HGF: variants seen among roughly 807,000 people sequenced by gnomAD.
HGF encodes the protein fibroblast-derived tumor cytotoxic factor.
Under a neutral mutation model 111.6 loss-of-function variants are expected in HGF, and 39 were observed. The observed-to-expected ratio is 0.35, with a 90% confidence interval of 0.27 to 0.46. The LOEUF is 0.46. Ranked by LOEUF, HGF falls within the 20% of genes least tolerant of loss-of-function variation. The pLI is 1.00. For synonymous variants in HGF, 285 were observed against 294.8 expected (o/e 0.97, Z 0.34); for missense variants, 735 against 910.5 (o/e 0.81, Z 2.48).
intron 1 of HGF, among the ~76,000 whole-genome samples, chr7:81,769,642 G>T (rs1789532461): frequency 6.6e-6 from 1 of 152,124 alleles, no homozygotes; most frequent in Admixed American, 6.5e-5. Flanking sequence ...GTGGGACGGG[G>T]CTTGGGTTGG....
In HGF at chr7:81,700,055, A is replaced by C. The variant is rs930152180; in HGVS notation, c.*2526T>G. 1 of 151,826 alleles carries C rather than the reference A, an allele frequency of 6.6e-6. No homozygotes were observed. The highest frequency in any genetic ancestry group is 6.6e-5 in the Admixed American group (1 of 15,188). The allele number at this position is 151,826 out of a possible 1,614,324, so 9.4% of individuals were successfully genotyped here. ...TGGTAGACGTGAGAAAATGTCTACA[A>C]TTATAACAGTACATAACCATTATTC... is the stretch of plus-strand genomic sequence containing the variant. On this transcript the variant is annotated 3_prime_UTR_variant, in exon 18 of 18. Transcript: ENST00000222390.
intron 11 of HGF, among the ~76,000 whole-genome samples, chr7:81,713,455 G>C (rs889978216): frequency 1.6e-4 from 25 of 151,840 alleles, no homozygotes; most frequent in African/African-American, 6.1e-4. Context: ...AAACCTGGGA[G>C]GCAGAGTTTG....
At chr7:81,758,667 C>T (rs2116199843) in intron 3 of HGF, 25 bp downstream of exon 3, 1 of 1,248,830 alleles carries the variant, frequency 8.0e-7, no homozygotes, top group Admixed American at 1.7e-5. Flanking sequence ...TTTCATTATG[C>T]AATATTTAGG....
rs191273998 is a variant in HGF at position 81,722,616 on chromosome 7, C to G, written c.1169-1769G>C. On this transcript the variant is annotated intron_variant, in intron 9 of 17. Transcript: ENST00000222390. ...TCACTTGAGGTCAGGAGTTCAAGAC[C>G]AGCCTGGTCAACATGGTGAAACCCC... Among the ~76,000 whole-genome samples, 1,367 of 150,330 alleles carry G rather than the reference C, an allele frequency of 9.1e-3. 27 individuals are homozygous for G. The highest frequency in any genetic ancestry group is 0.032 in the African/African-American group (1,308 of 40,992).
chr7:81,748,090 T>G (rs1583984224), intron 5 of HGF, among the ~76,000 whole-genome samples: 1 of 152,220 alleles, frequency 6.6e-6, no homozygotes, highest in Non-Finnish European at 1.5e-5. Context: ...ACACAAATCT[T>G]CTGACCCATA....
intron 7 of HGF, among the ~76,000 whole-genome samples, chr7:81,732,858 C>T (rs927018080): frequency 7.2e-5 from 11 of 152,184 alleles, no homozygotes; most frequent in African/African-American, 2.2e-4. Flanking sequence ...ATTACCAAAA[C>T]CCCAAGTCAA....
At chr7:81,708,283 T>A (rs1006013149) in intron 13 of HGF, among the ~76,000 whole-genome samples, 13 of 152,042 alleles carry the variant, frequency 8.6e-5, no homozygotes, top group Non-Finnish European at 1.5e-4. Flanking sequence ...GCTAAGAACT[T>A]GGATTTAAAA....
At position 81,702,668 on chromosome 7, in the gene HGF, T is replaced by A; in HGVS notation, c.2100A>T (p.Pro700=). 1 of 1,611,818 alleles carries A rather than the reference T, an allele frequency of 6.2e-7. No homozygotes were observed. The highest frequency in any genetic ancestry group is 8.5e-7 in the Non-Finnish European group (1 of 1,178,460). ...CTCGGACAAAAATACCAGGACGATTTGGAATGGCACATCCACGACCAGGAA... is the reference window on the plus strand; with the variant it reads ...CTCGGACAAAAATACCAGGACGATTAGGAATGGCACATCCACGACCAGGAA... The part of the protein sequence containing the change: ...VIVPGRGCAI[P]NRPGIFVRVA... The change falls in exon 18 of 18, where the codon CCA becomes CCT. Residue 700 remains proline, a synonymous_variant. Transcript: ENST00000222390.
intron 2 of HGF, among the ~76,000 whole-genome samples, chr7:81,762,092 C>T (rs998658605): frequency 6.6e-6 from 1 of 152,216 alleles, no homozygotes; most frequent in Admixed American, 6.5e-5. Flanking sequence ...AGGAATTCTT[C>T]CCTATGAGGT....
At chr7:81,724,741 T>C (rs1174357911) in intron 9 of HGF, among the ~76,000 whole-genome samples, 1 of 152,200 alleles carries the variant, frequency 6.6e-6, no homozygotes, top group East Asian at 1.9e-4. Context: ...GTAATGGGAT[T>C]GCTGTGTTGA....
At chr7:81,765,284 A>T (rs2116258307) in intron 1 of HGF, among the ~76,000 whole-genome samples, 1 of 152,208 alleles carries the variant, frequency 6.6e-6, no homozygotes, top group Non-Finnish European at 1.5e-5. Context: ...TCTCCGTGGA[A>T]TTTTTGATTG....
chr7:81,761,533 A>C (rs1457730627), intron 2 of HGF, among the ~76,000 whole-genome samples: 1 of 151,642 alleles, frequency 6.6e-6, no homozygotes, highest in Non-Finnish European at 1.5e-5. Context: ...TAATATGTAC[A>C]GGATTTTATG....
chr7:81,745,247 CTTTTTAT>C (rs1788190352), intron 5 of HGF, 127 bp from the exon 6 acceptor site: 1 of 932,738 alleles, frequency 1.1e-6, no homozygotes, highest in Non-Finnish European at 1.7e-6. Context: ...ATCATTCTAA[CTTTTTAT>C]TAGGGCCTAA....
chr7:81,716,442 A>G (rs1001170274), intron 11 of HGF, among the ~76,000 whole-genome samples: 1 of 152,196 alleles, frequency 6.6e-6, no homozygotes, highest in East Asian at 1.9e-4. Context: ...GGATATTTAC[A>G]ATCATTTTAT....
chr7:81,754,490 A>C (rs1788664388), intron 4 of HGF, among the ~76,000 whole-genome samples: 1 of 152,028 alleles, frequency 6.6e-6, no homozygotes. Flanking sequence ...GGACAAATAC[A>C]GGTAGAAAGG....
At chr7:81,755,943 T>A (rs1188500430) in intron 4 of HGF, 1 of 694,058 alleles carries the variant, frequency 1.4e-6, no homozygotes, top group Non-Finnish European at 2.6e-6. Context: ...ACAAACTCTT[T>A]TTCTTTCTGT....
intron 4 of HGF, chr7:81,755,970 T>G (rs1469579453): frequency 2.9e-6 from 2 of 700,996 alleles, no homozygotes; most frequent in Non-Finnish European, 5.2e-6. Flanking sequence ...CAATAACTCA[T>G]CTCTGTTTCC....
chr7:81,721,212 A>T (rs543207093), intron 9 of HGF, among the ~76,000 whole-genome samples: 21 of 152,238 alleles, frequency 1.4e-4, no homozygotes, highest in East Asian at 3.9e-4. Context: ...GCGCCACTGC[A>T]CTCCAGCCTG....
intron 7 of HGF, among the ~76,000 whole-genome samples, chr7:81,735,725 C>T (rs1338684329): frequency 6.6e-6 from 1 of 152,030 alleles, no homozygotes; most frequent in African/African-American, 2.4e-5. Context: ...CATAACAAGG[C>T]TGCAGATTTG....
Sources: allele counts gnomAD v4.1 joint callset (sites outside exome capture counted in the v4.1 genomes callset), GRCh38; gene constraint gnomAD v4.1.1; transcripts MANE v1.5; gene names NCBI Gene and HGNC (gene_info 2026-07-23, HGNC 2026-07-21).